PCDHGB1: variants seen among roughly 807,000 people sequenced by gnomAD.
The protein encoded by PCDHGB1 is protocadherin gamma subfamily B, 1.
In PCDHGB1, 34 loss-of-function variants were observed where a neutral mutation model predicts 56.6. The observed-to-expected ratio is 0.60, with a 90% CI of 0.46 to 0.80. PCDHGB1 has a LOEUF of 0.80. Among genes scored for constraint, PCDHGB1 ranks in the 30% least tolerant of loss-of-function variants. PCDHGB1 has a pLI of 0.00. For synonymous variants in PCDHGB1, 561 were observed against 505.9 expected (o/e 1.11, Z -1.46); for missense variants, 1,278 against 1,204.6 (o/e 1.06, Z -0.90).
At chr5:141,380,088 T>A (rs1292073938) in intron 1 of PCDHGB1, among the ~76,000 whole-genome samples, 1 of 151,730 alleles carries the variant, frequency 6.6e-6, no homozygotes, top group Non-Finnish European at 1.5e-5. Flanking sequence ...TTAGTAGAGA[T>A]GGGGTTTTAC....
Position 141,431,910 on chromosome 5 carries a change from G to A in PCDHGB1, c.2410-62897G>A. The A allele has an allele frequency of 6.2e-7, 1 of 1,614,096 alleles. No individual in the cohort carries two copies. Among genetic ancestry groups the A allele is most frequent in the Non-Finnish European group, 8.5e-7 (1 of 1,179,934 alleles). On this transcript the variant is annotated intron_variant, in intron 1 of 3. Transcript: ENST00000523390. This position sits in a 1 kb window ranked among gnomAD's most constrained non-coding sequence, Gnocchi z 4.8. ...TCTGAGGAAAACGGACAGGTGATCTGTTTCATCCAAGGAAATCTGCCCTTT... is the reference window on the plus strand; with the variant it reads ...TCTGAGGAAAACGGACAGGTGATCTATTTCATCCAAGGAAATCTGCCCTTT...
chr5:141,351,036 T>C lies in PCDHGB1; in HGVS notation c.776T>C (p.Leu259Pro). The stretch of plus-strand genomic sequence containing the variant: ...AACGTACCGTGGGGAACCTCCGTGC[T>C]GCGGGTGATGGCCACAGACCAGGAT... Reference protein sequence around the residue: ...QENVPWGTSVLRVMATDQDEG... With the variant: ...QENVPWGTSVPRVMATDQDEG... The change falls in exon 1 of 4, where the codon CTG becomes CCG. Residue 259 changes from leucine to proline, a missense_variant. Leu to Pro is a moderately conservative substitution (Grantham distance 98, BLOSUM62 -3). Coordinates refer to ENST00000523390, the MANE Select transcript of PCDHGB1 (RefSeq NM_018922.3). 1 of 1,614,004 alleles carries C rather than the reference T, an allele frequency of 6.2e-7. No individual in the cohort carries two copies. Among genetic ancestry groups the C allele is most frequent in the Non-Finnish European group, 8.5e-7 (1 of 1,179,894 alleles).
At chr5:141,492,512 T>A (rs2099741406) in intron 1 of PCDHGB1, among the ~76,000 whole-genome samples, 1 of 152,116 alleles carries the variant, frequency 6.6e-6, no homozygotes, top group Admixed American at 6.5e-5. Flanking sequence ...GAGCCTCCTC[T>A]CACCTCTCCC....
At chr5:141,473,272 A>G (rs2099318396) in intron 1 of PCDHGB1, among the ~76,000 whole-genome samples, 1 of 152,182 alleles carries the variant, frequency 6.6e-6, no homozygotes, top group African/African-American at 2.4e-5. Flanking sequence ...GTATGCTATG[A>G]TTATTTTACT....
At chr5:141,408,990 AAGTGAC>A (rs769374488) in intron 1 of PCDHGB1, 2 of 1,613,984 alleles carry the variant, frequency 1.2e-6, no homozygotes, top group Non-Finnish European at 1.7e-6. Flanking sequence ...CCTGTGTTGC[AAGTGAC>A]AGCCACTGAC....
rs1562157859 is a variant in PCDHGB1 at position 141,493,022 on chromosome 5, G to GTGCC, written c.2410-1784_2410-1781dup. Among the ~76,000 whole-genome samples, 2 of 152,222 alleles carry GTGCC rather than the reference G, an allele frequency of 1.3e-5. No homozygotes were observed. Among genetic ancestry groups the GTGCC allele is most frequent in the African/African-American group, 4.8e-5 (2 of 41,454 alleles). ...GCTATAGGCTCTGCCAGATGCCAGG[G>GTGCC]TGCCCTTATGTGTGAGGAAACTACA... On this transcript the variant is annotated intron_variant, in intron 1 of 3. Coordinates refer to ENST00000523390, the MANE Select transcript of PCDHGB1 (RefSeq NM_018922.3). The surrounding 1 kb of genome is among the most constrained non-coding windows in gnomAD (Gnocchi z 4.3).
Position 141,431,449 on chromosome 5 carries a change from G to A in PCDHGB1, c.2410-63358G>A. Reference sequence around the variant, plus strand: ...GCACAGGCACCGCGCGCATCCGCGTGATGGTTCTGGATGCGAACGACAACG... The same window carrying A: ...GCACAGGCACCGCGCGCATCCGCGTAATGGTTCTGGATGCGAACGACAACG... On this transcript the variant is annotated intron_variant, in intron 1 of 3. Coordinates refer to ENST00000523390, the MANE Select transcript of PCDHGB1 (RefSeq NM_018922.3). The surrounding 1 kb of genome is among the most constrained non-coding windows in gnomAD (Gnocchi z 4.8). The A allele has an allele frequency of 6.2e-7, 1 of 1,613,742 alleles. No individual in the cohort carries two copies. Among genetic ancestry groups the A allele is most frequent in the South Asian group, 1.1e-5 (1 of 91,082 alleles).
intron 2 of PCDHGB1, among the ~76,000 whole-genome samples, chr5:141,501,061 G>T (rs746369272): frequency 1.5e-4 from 23 of 152,118 alleles, no homozygotes; most frequent in Non-Finnish European, 2.1e-4. Flanking sequence ...TAGAGACGGG[G>T]TTTCACCATG....
At position 141,375,795 on chromosome 5, in the gene PCDHGB1, G is replaced by T. The variant is rs765881835; in HGVS notation, c.2409+23126G>T. Reference sequence around the variant, plus strand: ...CTGTACCCCGCCCTCCCCACAGACGGTTCCACTGGCGTGGAGCTGGCGCCC... The same window carrying T: ...CTGTACCCCGCCCTCCCCACAGACGTTTCCACTGGCGTGGAGCTGGCGCCC... On this transcript the variant is annotated intron_variant, in intron 1 of 3. Coordinates refer to ENST00000523390, the MANE Select transcript of PCDHGB1 (RefSeq NM_018922.3). 4 of 1,614,218 alleles carry T rather than the reference G, an allele frequency of 2.5e-6. No individual in the cohort carries two copies. The South Asian group carries it at 3.3e-5, about 13-fold the overall frequency.
intron 1 of PCDHGB1, chr5:141,441,945 G>A: frequency 3.0e-6 from 1 of 333,884 alleles, no homozygotes; most frequent in Non-Finnish European, 5.8e-6. Flanking sequence ...ACCACGTGCT[G>A]CAGGCCAGCA....
intron 1 of PCDHGB1, among the ~76,000 whole-genome samples, chr5:141,443,873 T>A (rs1250320938): frequency 6.6e-6 from 1 of 152,100 alleles, no homozygotes; most frequent in Non-Finnish European, 1.5e-5. Context: ...AAATTACTGA[T>A]AAGTCAAGAG....
chr5:141,419,115 A>G (rs1159582360), intron 1 of PCDHGB1: 1 of 1,613,872 alleles, frequency 6.2e-7, no homozygotes, highest in Non-Finnish European at 8.5e-7. Flanking sequence ...CCAGAGTACA[A>G]CGTCACCATC....
chr5:141,398,545 C>T (rs774657005), intron 1 of PCDHGB1: 2 of 1,613,768 alleles, frequency 1.2e-6, no homozygotes, highest in Non-Finnish European at 1.7e-6. Flanking sequence ...TTCCTTTGAG[C>T]TGCAAATAAG....
chr5:141,380,370 G>T (rs1427266285), intron 1 of PCDHGB1, among the ~76,000 whole-genome samples: 2 of 152,084 alleles, frequency 1.3e-5, no homozygotes, highest in Admixed American at 1.3e-4. Context: ...AGAAAAAAAA[G>T]TCCCAAAAAA....
At chr5:141,497,464 T>G (rs1277760390) in intron 2 of PCDHGB1, among the ~76,000 whole-genome samples, 1 of 151,764 alleles carries the variant, frequency 6.6e-6, no homozygotes, top group Non-Finnish European at 1.5e-5. Flanking sequence ...CTTGGAGATA[T>G]GGAGGAGAAG....
At chr5:141,421,529 C>T in intron 1 of PCDHGB1, 1 of 1,614,020 alleles carries the variant, frequency 6.2e-7, no homozygotes, top group Non-Finnish European at 8.5e-7. Flanking sequence ...GAGACGGTGT[C>T]CTCCTGTTTT....
intron 1 of PCDHGB1, chr5:141,478,509 G>A: frequency 1.2e-6 from 2 of 1,611,878 alleles, no homozygotes; most frequent in South Asian, 1.1e-5. Flanking sequence ...GTGTTCTATA[G>A]GCAGGTGTTG....
chr5:141,370,291 A>C (rs1766798910), intron 1 of PCDHGB1: 8 of 1,049,850 alleles, frequency 7.6e-6, no homozygotes, highest in Admixed American at 2.8e-5. Flanking sequence ...AGAGAACCCA[A>C]GCACAAAGAC....
Position 141,489,267 on chromosome 5 carries a change from C to T in PCDHGB1, c.2410-5540C>T, listed in dbSNP as rs370726160. 27 of 1,553,302 alleles carry T rather than the reference C, an allele frequency of 1.7e-5. No individual in the cohort carries two copies. Among genetic ancestry groups the T allele is most frequent in the African/African-American group, 8.2e-5 (6 of 73,324 alleles). ...TGGGGCCCAAGACACTCCCACAGCT[C>T]GCTGGGAAATGGCAAGTGCTGTGCA... On this transcript the variant is annotated intron_variant, in intron 1 of 3. Transcript: ENST00000523390. This position sits in a 1 kb window ranked among gnomAD's most constrained non-coding sequence, Gnocchi z 4.5.
Sources: gnomAD v4.1 joint callset for allele counts (sites outside exome capture counted in the v4.1 genomes callset) on GRCh38, gnomAD v4.1.1 for gene constraint, Gnocchi (gnomAD v3.1) non-coding constraint, MANE v1.5 for transcripts, NCBI Gene and HGNC (gene_info 2026-07-23, HGNC 2026-07-21) for gene names.